Variants in SUPT16H observed in about 807,000 individuals in gnomAD.
The protein encoded by SUPT16H is SPT16 homolog, facilitates chromatin remodeling subunit.
SUPT16H carries 24 observed loss-of-function variants against 136.2 expected under a neutral mutation model. The ratio of observed to expected loss-of-function variants is 0.18; its 90% confidence interval spans 0.13 to 0.25. SUPT16H has a LOEUF of 0.25. SUPT16H is among the 10% of genes least tolerant of loss of function. The pLI, the probability that SUPT16H is intolerant of heterozygous loss-of-function variation, is 1.00. For synonymous variants in SUPT16H, 415 were observed against 428.2 expected, an observed-to-expected ratio of 0.97 and a Z score of 0.38; for missense variants, 623 against 1,270.2, an observed-to-expected ratio of 0.49 and a Z score of 7.74.
chr14:21,383,628 A>T, intron 1 of SUPT16H: 1 of 706,710 alleles, frequency 1.4e-6, no homozygotes. Context: ...TGCATGACCA[A>T]GGCTGGCACG....
At chr14:21,373,306 C>CT (rs1451197790) in intron 2 of SUPT16H, 32 bp downstream of exon 2, 1 of 1,529,620 alleles carries the variant, frequency 6.5e-7, no homozygotes, top group Non-Finnish European at 9.1e-7. Flanking sequence ...TCCAACAACT[C>CT]TAAGAGCTAA....
At position 21,369,368 on chromosome 14, in the gene SUPT16H, C is replaced by T. The variant is rs746957195; in HGVS notation, c.631-13G>A. 6.2e-7 allele frequency: 1 copy of T among 1,613,864 alleles called. No individual in the cohort carries two copies. Among genetic ancestry groups the T allele is most frequent in the Admixed American group, 1.7e-5 (1 of 59,982 alleles). On this transcript the variant is annotated splice_polypyrimidine_tract_variant and intron_variant, in intron 5 of 25. Coordinates refer to ENST00000216297, the MANE Select transcript of SUPT16H (RefSeq NM_007192.4). The stretch of plus-strand genomic sequence containing the variant: ...TGTGTCGAACTTTCTGTAAGAGCAT[C>T]CAGAAATAAAGTAACACTTACTAGA...
intron 6 of SUPT16H, among the ~76,000 whole-genome samples, 154 bp downstream of exon 6, chr14:21,369,050 G>C (rs1180273294): frequency 6.6e-6 from 1 of 152,184 alleles, no homozygotes; most frequent in Non-Finnish European, 1.5e-5. Context: ...TATTGCACCT[G>C]GGTGATGGAC....
At position 21,352,720 on chromosome 14, in the gene SUPT16H, G is replaced by A. The variant is rs781334536; in HGVS notation, c.3097C>T (p.Arg1033Cys). 16 of 1,614,110 alleles carry A rather than the reference G, an allele frequency of 9.9e-6. No homozygotes were observed. The highest frequency in any genetic ancestry group is 2.7e-5 in the African/African-American group (2 of 75,022). ...GGTGCAGAGCTGTGTCTGGAACCACGGTTAGAGCCACGGCCCGAACTGTGC... is the reference window on the plus strand; with the variant it reads ...GGTGCAGAGCTGTGTCTGGAACCACAGTTAGAGCCACGGCCCGAACTGTGC... Reference protein sequence around the residue: ...SVHSSGRGSNRGSRHSSAPPK... With the variant: ...SVHSSGRGSNCGSRHSSAPPK... Residue 1033 changes from arginine to cysteine, a missense_variant, in exon 26 of 26, where the codon CGT becomes TGT. Around this residue, in one of 7 missense-constraint regions of SUPT16H, gnomAD observed 88 missense variants for 135.5 expected, o/e 0.65. Transcript: ENST00000216297.
chr14:21,351,493 CAAAAA>C lies in SUPT16H; in HGVS notation c.*1175_*1179del, dbSNP rs940783877. 4 of 289,046 alleles carry C rather than the reference CAAAAA, an allele frequency of 1.4e-5. No homozygotes were observed. Among genetic ancestry groups the C allele is most frequent in the Non-Finnish European group, 2.6e-5 (4 of 156,016 alleles). The allele number at this position is 289,046 out of a possible 1,614,324, so 17.9% of individuals were successfully genotyped here. On this transcript the variant is annotated 3_prime_UTR_variant, in exon 26 of 26. Transcript: ENST00000216297. ...CAGGTGAATTTACAAAAACAAACAA[CAAAAA>C]AAACCCAGTTTATTCATCTTTTAGT... is the stretch of plus-strand genomic sequence containing the variant.
At chr14:21,358,045 G>C (rs1478130764) in intron 20 of SUPT16H, 43 bp from the exon 21 acceptor site, 16 of 1,553,662 alleles carry the variant, frequency 1.0e-5, no homozygotes, top group South Asian at 2.2e-5. Context: ...TCACGAGAGA[G>C]ACTGCTCCTA....
At chr14:21,381,841 T>C (rs1008269) in intron 1 of SUPT16H, among the ~76,000 whole-genome samples, 131,504 of 148,300 alleles carry the variant, frequency 0.89, 58,571 homozygotes, top group Middle Eastern at 0.94. Flanking sequence ...GGCTGGTCTT[T>C]AACTCCTGGC....
chr14:21,373,488 C>G, intron 1 of SUPT16H, 58 bp from the exon 2 acceptor site: 1 of 1,238,744 alleles, frequency 8.1e-7, no homozygotes, highest in Non-Finnish European at 1.2e-6. Flanking sequence ...AGGAATACAG[C>G]CTTCAATATT....
Position 21,357,295 on chromosome 14 carries a change from G to A in SUPT16H, c.2562C>T (p.Asn854=), listed in dbSNP as rs1886455669. ...CCTTGTAGACGATTACCATATCAAA[G>A]TTCTTCAGGTGAAACTGGACCCGCT... ...HFERVQFHLK[N]FDMVIVYKDY... is the part of the protein sequence containing the mutation. Residue 854 remains asparagine, a synonymous_variant, in exon 22 of 26, where the codon AAC becomes AAT. Coordinates refer to ENST00000216297, the MANE Select transcript of SUPT16H (RefSeq NM_007192.4). 6.2e-7 allele frequency: 1 copy of A among 1,613,292 alleles called. No individual in the cohort carries two copies. The highest frequency in any genetic ancestry group is 8.5e-7 in the Non-Finnish European group (1 of 1,179,592).
chr14:21,352,357 T>C lies in SUPT16H; in HGVS notation c.*316A>G, dbSNP rs1286815769. On this transcript the variant is annotated 3_prime_UTR_variant, in exon 26 of 26. Coordinates refer to ENST00000216297, the MANE Select transcript of SUPT16H (RefSeq NM_007192.4). ...TACAGCTTTGAGACACCAAATAAGA[T>C]GTCAGAAGCCATCAATGTCTTGGCA... The C allele has an allele frequency of 1.4e-5, 5 of 351,062 alleles. No individual in the cohort carries two copies. The highest frequency in any genetic ancestry group is 2.7e-5 in the Non-Finnish European group (5 of 184,498). 21.7% of individuals were successfully genotyped at this position (351,062 alleles called of 1,614,324 possible). A position where few individuals can be genotyped will look rare whatever the true frequency, so the allele number is the denominator to read the frequency against.
chr14:21,352,520 G>T lies in SUPT16H; in HGVS notation c.*153C>A. ...TCCTGGTGGGCCTGGAATTCCCCGA[G>T]TAGATTGGTCCACACAAATGGCCCC... On this transcript the variant is annotated 3_prime_UTR_variant, in exon 26 of 26. Transcript: ENST00000216297. 8.1e-7 allele frequency: 1 copy of T among 1,239,476 alleles called. No individual in the cohort carries two copies. The highest frequency in any genetic ancestry group is 1.1e-6 in the Non-Finnish European group (1 of 891,584). 76.8% of individuals were successfully genotyped at this position (1,239,476 alleles called of 1,614,324 possible). A position where few individuals can be genotyped will look rare whatever the true frequency, so the allele number is the denominator to read the frequency against.
At chr14:21,355,908 C>A (rs1886423379) in intron 22 of SUPT16H, among the ~76,000 whole-genome samples, 1 of 152,180 alleles carries the variant, frequency 6.6e-6, no homozygotes, top group African/African-American at 2.4e-5. Context: ...TACTTTCCCA[C>A]CTTAAACAAC....
intron 19 of SUPT16H, among the ~76,000 whole-genome samples, chr14:21,359,108 T>G (rs1203276522): frequency 6.6e-6 from 1 of 150,750 alleles, no homozygotes; most frequent in Non-Finnish European, 1.5e-5. Context: ...CCTGGCTATT[T>G]ATTTATTGAG....
In SUPT16H at chr14:21,352,461, T is replaced by A; in HGVS notation, c.*212A>T. 1 of 666,000 alleles carries A rather than the reference T, an allele frequency of 1.5e-6. No homozygotes were observed. The highest frequency in any genetic ancestry group is 2.6e-6 in the Non-Finnish European group (1 of 391,954). The allele number at this position is 666,000 out of a possible 1,614,324, so 41.3% of individuals were successfully genotyped here. A position where few individuals can be genotyped will look rare whatever the true frequency, so the allele number is the denominator to read the frequency against. On this transcript the variant is annotated 3_prime_UTR_variant, in exon 26 of 26. Coordinates refer to ENST00000216297, the MANE Select transcript of SUPT16H (RefSeq NM_007192.4). ...TCCTCCTGTCTTCAAGAACACCTCC[T>A]CCCTTGCCATCTGAATGGGGCCATT...
rs368343010 is a variant in SUPT16H, at chr14:21,351,601, C to G, written c.*1072G>C. 1.2e-4 allele frequency: 20 copies of G among 166,788 alleles called. No individual in the cohort carries two copies. The highest frequency in any genetic ancestry group is 1.9e-4 in the African/African-American group (8 of 41,664). 10.3% of individuals were successfully genotyped at this position (166,788 alleles called of 1,614,324 possible). On this transcript the variant is annotated 3_prime_UTR_variant, in exon 26 of 26. Coordinates refer to ENST00000216297, the MANE Select transcript of SUPT16H (RefSeq NM_007192.4). ...AACATAAAATCCGGGACCCCTCCCC[C>G]CTTCTTCTCTTAAAGTCACAGAGCA...
chr14:21,368,413 T>C lies in SUPT16H; in HGVS notation c.811A>G (p.Ile271Val), dbSNP rs934106728. The C allele has an allele frequency of 5.0e-6, 8 of 1,613,520 alleles. No homozygotes were observed. In the African/African-American group the frequency reaches 8.0e-5, roughly 16 times the overall value. The change falls in exon 7 of 26, where the codon ATC becomes GTC. Residue 271 changes from isoleucine to valine, a missense_variant. This residue lies in a region of SUPT16H where 343 missense variants were observed against 525.7 expected (regional missense o/e 0.65). Coordinates refer to ENST00000216297, the MANE Select transcript of SUPT16H (RefSeq NM_007192.4). ...SDKNHMHFGAITCAMGIRFKS... is the reference protein window; with the variant it reads ...SDKNHMHFGAVTCAMGIRFKS... The stretch of plus-strand genomic sequence containing the variant: ...AAGCGAATACCCATGGCACAAGTGA[T>C]AGCCCCAAAGTGCATATGATTCTTG...
chr14:21,365,541 G>C (rs761746354), intron 8 of SUPT16H, among the ~76,000 whole-genome samples: 1 of 152,118 alleles, frequency 6.6e-6, no homozygotes, highest in Non-Finnish European at 1.5e-5. Context: ...AACCAGATTC[G>C]TAAGACTTGT....
At position 21,352,539 on chromosome 14, in the gene SUPT16H, T is replaced by C; in HGVS notation, c.*134A>G. 1 of 1,411,370 alleles carries C rather than the reference T, an allele frequency of 7.1e-7. No individual in the cohort carries two copies. Among genetic ancestry groups the C allele is most frequent in the Admixed American group, 2.0e-5 (1 of 49,550 alleles). 87.4% of individuals were successfully genotyped at this position (1,411,370 alleles called of 1,614,324 possible). On this transcript the variant is annotated 3_prime_UTR_variant, in exon 26 of 26. Transcript: ENST00000216297. ...CCCCGAGTAGATTGGTCCACACAAATGGCCCCCTAAACCCATAAACACAAA... is the reference window on the plus strand; with the variant it reads ...CCCCGAGTAGATTGGTCCACACAAACGGCCCCCTAAACCCATAAACACAAA...
chr14:21,359,723 C>G, intron 18 of SUPT16H, 114 bp from the exon 19 acceptor site: 1 of 1,238,526 alleles, frequency 8.1e-7, no homozygotes, highest in South Asian at 1.5e-5. Context: ...AATAATTAAA[C>G]CACCCCTGGT....
Sources: gnomAD v4.1 joint callset for allele counts (sites outside exome capture counted in the v4.1 genomes callset) on GRCh38, gnomAD v4.1.1 for gene constraint, gnomAD v4.1.1 regional missense constraint, MANE v1.5 for transcripts, NCBI Gene and HGNC (gene_info 2026-07-23, HGNC 2026-07-21) for gene names.